Variants in FER observed in about 807,000 individuals in gnomAD.
FER encodes the protein tyrosine-protein kinase Fer.
FER carries 63 observed loss-of-function variants against 111.0 expected under a neutral mutation model. That is an observed-to-expected ratio of 0.57 (90% CI 0.46 to 0.70). The LOEUF (loss-of-function observed/expected upper bound fraction) is 0.70, where lower values mean the gene tolerates loss of function less well. Among genes scored for constraint, FER ranks in the 30% least tolerant of loss-of-function variants. FER has a pLI of 0.00. For synonymous variants in FER, 327 were observed against 313.9 expected, an observed-to-expected ratio of 1.04 and a Z score of -0.44; for missense variants, 914 against 954.0, an observed-to-expected ratio of 0.96 and a Z score of 0.55.
chr5:108,749,383 G>A (rs1750180522), intron 1 of FER, among the ~76,000 whole-genome samples: 2 of 151,950 alleles, frequency 1.3e-5, no homozygotes, highest in Admixed American at 1.3e-4. Context: ...CCGTCGCGGG[G>A]TCTGGGGGCT....
rs184724948 is a variant in FER at position 109,134,235 on chromosome 5, T to C, written c.2048+33716T>C. Among the ~76,000 whole-genome samples, 6 of 152,248 alleles carry C rather than the reference T, an allele frequency of 3.9e-5. No individual in the cohort carries two copies. In the East Asian group the frequency reaches 1.2e-3, roughly 29 times the overall value. On this transcript the variant is annotated intron_variant, in intron 17 of 19. Transcript: ENST00000281092. ...CAAAGAAAAGTTCCATACTATGTAA[T>C]ATTTTGTGACTTGATTAGTCTGCTG...
At chr5:109,039,694 G>A (rs1389136763) in intron 14 of FER, among the ~76,000 whole-genome samples, 2 of 152,104 alleles carry the variant, frequency 1.3e-5, no homozygotes, top group Non-Finnish European at 2.9e-5. Flanking sequence ...AAGAGCAAAG[G>A]AAGCATTTTC....
chr5:108,839,701 T>C (rs1209975487), intron 5 of FER, among the ~76,000 whole-genome samples: 1 of 150,646 alleles, frequency 6.6e-6, no homozygotes, highest in East Asian at 2.0e-4. Flanking sequence ...CCTCAGCCTC[T>C]GGAGTAGCTG....
intron 13 of FER, among the ~76,000 whole-genome samples, chr5:108,998,529 T>A (rs1764307454): frequency 6.6e-6 from 1 of 152,156 alleles, no homozygotes; most frequent in Admixed American, 6.5e-5. Context: ...CAGTTACAAA[T>A]GCAGAAATCC....
At chr5:109,143,296 G>T in intron 17 of FER, among the ~76,000 whole-genome samples, 1 of 152,098 alleles carries the variant, frequency 6.6e-6, no homozygotes, top group East Asian at 1.9e-4. Context: ...TAAAGTCCTT[G>T]ACTCTAGACA....
Position 109,140,337 on chromosome 5 carries a change from C to T in FER, c.2048+39818C>T, listed in dbSNP as rs73215516. Among the ~76,000 whole-genome samples the T allele has an allele frequency of 5.4e-3, 817 of 152,272 alleles. 8 individuals are homozygous for T. The highest frequency in any genetic ancestry group is 0.019 in the African/African-American group (781 of 41,550). ...CACCATTAACAGCATCTTGAATTGGCATCTAACCACAGCATTGCTTATAAG... is the reference window on the plus strand; with the variant it reads ...CACCATTAACAGCATCTTGAATTGGTATCTAACCACAGCATTGCTTATAAG... On this transcript the variant is annotated intron_variant, in intron 17 of 19. Coordinates refer to ENST00000281092, the MANE Select transcript of FER (RefSeq NM_005246.4).
chr5:108,844,030 A>ATG (rs1416341738), intron 5 of FER, among the ~76,000 whole-genome samples: 1 of 109,954 alleles, frequency 9.1e-6, no homozygotes, highest in African/African-American at 3.6e-5. Flanking sequence ...GAACATATAT[A>ATG]TGTGTGTGAA....
At chr5:109,140,501 C>T (rs1433126159) in intron 17 of FER, among the ~76,000 whole-genome samples, 2 of 152,038 alleles carry the variant, frequency 1.3e-5, no homozygotes, top group African/African-American at 4.8e-5. Context: ...TTAGGAAAGA[C>T]CTATGTAGCT....
intron 1 of FER, among the ~76,000 whole-genome samples, chr5:108,753,591 C>T (rs897694446): frequency 2.6e-5 from 4 of 152,136 alleles, no homozygotes; most frequent in Admixed American, 2.0e-4. Flanking sequence ...CTAGTGCCCC[C>T]GCAAACACAT....
At chr5:109,149,861 C>G (rs1246911436) in intron 17 of FER, among the ~76,000 whole-genome samples, 5 of 152,104 alleles carry the variant, frequency 3.3e-5, no homozygotes, top group African/African-American at 1.2e-4. Flanking sequence ...GGGTTCCTCG[C>G]CTGTTAGAAA....
intron 5 of FER, among the ~76,000 whole-genome samples, chr5:108,858,834 A>T (rs527301568): frequency 7.0e-6 from 1 of 142,838 alleles, no homozygotes; most frequent in East Asian, 2.0e-4. Context: ...CAACAGCTGC[A>T]TGCCACTTTA....
At chr5:109,002,419 T>C (rs1365627995) in intron 13 of FER, among the ~76,000 whole-genome samples, 3 of 151,708 alleles carry the variant, frequency 2.0e-5, no homozygotes, top group Non-Finnish European at 4.4e-5. Flanking sequence ...TGGCTAGCCA[T>C]ATGTAGAAAG....
At chr5:108,983,695 C>T (rs73778378) in intron 13 of FER, among the ~76,000 whole-genome samples, 2,672 of 152,060 alleles carry the variant, frequency 0.018, 67 homozygotes, top group African/African-American at 0.061. Flanking sequence ...TGACTTTAAG[C>T]GGTTTACAAT....
Position 109,193,985 on chromosome 5 carries a change from C to G in FER, c.*6410C>G, listed in dbSNP as rs1263803588. 6.6e-6 allele frequency: 1 copy of G among 152,176 alleles called. No individual in the cohort carries two copies. Among genetic ancestry groups the G allele is most frequent in the East Asian group, 1.9e-4 (1 of 5,192 alleles). 9.4% of individuals were successfully genotyped at this position (152,176 alleles called of 1,614,324 possible). A position where few individuals can be genotyped will look rare whatever the true frequency, so the allele number is the denominator to read the frequency against. The stretch of plus-strand genomic sequence containing the variant: ...TGATCAGGTCACACTTGTTAGATGA[C>G]TAACACTATCAGTAGAAGCTCTTGA... On this transcript the variant is annotated 3_prime_UTR_variant, in exon 20 of 20. Coordinates refer to ENST00000281092, the MANE Select transcript of FER (RefSeq NM_005246.4).
intron 1 of FER, among the ~76,000 whole-genome samples, chr5:108,753,815 T>C (rs1371578385): frequency 1.3e-5 from 2 of 152,186 alleles, no homozygotes; most frequent in African/African-American, 2.4e-5. Context: ...GACCAGCCTA[T>C]GGTTATTCTG....
chr5:108,946,558 T>C (rs1024838247), intron 11 of FER, among the ~76,000 whole-genome samples: 1 of 152,002 alleles, frequency 6.6e-6, no homozygotes, highest in Non-Finnish European at 1.5e-5. Context: ...AACAATTCTT[T>C]TCTAGTGAAA....
chr5:109,068,890 T>C (rs1775438187), intron 16 of FER, among the ~76,000 whole-genome samples: 1 of 152,230 alleles, frequency 6.6e-6, no homozygotes, highest in Non-Finnish European at 1.5e-5. Context: ...ATCATATTCT[T>C]GTAATGCCTA....
At chr5:108,864,085 T>TG (rs766427435) in intron 5 of FER, among the ~76,000 whole-genome samples, 1 of 152,228 alleles carries the variant, frequency 6.6e-6, no homozygotes. Flanking sequence ...ATAGATTATC[T>TG]GGGTAACATT....
In FER at chr5:109,188,448, C is replaced by T. The variant is rs946439183; in HGVS notation, c.*873C>T. 2.0e-5 allele frequency: 3 copies of T among 149,252 alleles called. No individual in the cohort carries two copies. Among genetic ancestry groups the T allele is most frequent in the East Asian group, 3.9e-4 (2 of 5,068 alleles). 9.2% of individuals were successfully genotyped at this position (149,252 alleles called of 1,614,324 possible). On this transcript the variant is annotated 3_prime_UTR_variant, in exon 20 of 20. Coordinates refer to ENST00000281092, the MANE Select transcript of FER (RefSeq NM_005246.4). ...AACGTCGTCAAAGTTAGAGTTGAGG[C>T]AGTTGCTTTTCAAGGATGTACAGAG...
Sources: allele counts gnomAD v4.1 joint callset (sites outside exome capture counted in the v4.1 genomes callset), GRCh38; gene constraint gnomAD v4.1.1; transcripts MANE v1.5; gene names NCBI Gene and HGNC (gene_info 2026-07-23, HGNC 2026-07-21).